Variants in L3MBTL4 observed in about 807,000 individuals in gnomAD.
L3MBTL4 encodes lethal(3)malignant brain tumor-like protein 4.
In L3MBTL4, 70 loss-of-function variants were observed where a neutral mutation model predicts 84.5. The observed-to-expected ratio is 0.83, with a 90% CI of 0.68 to 1.01. L3MBTL4 has a LOEUF of 1.01. L3MBTL4 is among the 50% of genes least tolerant of loss of function. The pLI, the probability that L3MBTL4 is intolerant of heterozygous loss-of-function variation, is 0.00. For missense variants in L3MBTL4, 715 were observed against 754.8 expected (o/e 0.95, Z 0.62); for synonymous variants, 274 against 259.8 (o/e 1.05, Z -0.52).
chr18:6,357,900 C>T lies in L3MBTL4; in HGVS notation c.-90-45844G>A, dbSNP rs555139812. ...TCATTTAGTGCTTCAAAGTTCAGAACGTAATCTCATTATCTCATTGTTTTC... is the reference window on the plus strand; with the variant it reads ...TCATTTAGTGCTTCAAAGTTCAGAATGTAATCTCATTATCTCATTGTTTTC... On this transcript the variant is annotated intron_variant, in intron 1 of 18. Transcript: ENST00000317931. Among the ~76,000 whole-genome samples the T allele has an allele frequency of 6.6e-5, 10 of 152,254 alleles. No individual in the cohort carries two copies. The East Asian group carries it at 1.5e-3, about 24-fold the overall frequency.
At chr18:6,055,488 AGATT>A (rs59546903) in intron 16 of L3MBTL4, among the ~76,000 whole-genome samples, 3,422 of 152,300 alleles carry the variant, frequency 0.022, 131 homozygotes, top group African/African-American at 0.079. Flanking sequence ...TTAAAGGCAC[AGATT>A]GATTGATTGA....
intron 16 of L3MBTL4, among the ~76,000 whole-genome samples, chr18:6,045,966 A>G (rs910068741): frequency 4.6e-5 from 7 of 152,154 alleles, no homozygotes; most frequent in African/African-American, 1.7e-4. Context: ...AAACATGATA[A>G]TTCCATCTGC....
intron 14 of L3MBTL4, among the ~76,000 whole-genome samples, chr18:6,130,221 G>A (rs1256808826): frequency 6.6e-6 from 1 of 152,038 alleles, no homozygotes; most frequent in Non-Finnish European, 1.5e-5. Flanking sequence ...TGAGTTCCAG[G>A]CCTTAAACCT....
At chr18:6,002,126 T>C (rs1041050469) in intron 16 of L3MBTL4, among the ~76,000 whole-genome samples, 12 of 152,088 alleles carry the variant, frequency 7.9e-5, no homozygotes, top group African/African-American at 2.9e-4. Flanking sequence ...CTGGCCAGAA[T>C]GCAGTAGAAT....
At chr18:6,398,266 C>T (rs2055359129) in intron 1 of L3MBTL4, among the ~76,000 whole-genome samples, 1 of 152,172 alleles carries the variant, frequency 6.6e-6, no homozygotes, top group African/African-American at 2.4e-5. Context: ...GAGGCCTCTA[C>T]TTCAGATACT....
At chr18:6,133,125 C>T (rs2059924195) in intron 14 of L3MBTL4, among the ~76,000 whole-genome samples, 1 of 152,168 alleles carries the variant, frequency 6.6e-6, no homozygotes. Flanking sequence ...GCTCAAAATA[C>T]TACAATGAGA....
intron 4 of L3MBTL4, among the ~76,000 whole-genome samples, chr18:6,300,955 C>G (rs2050313049): frequency 6.6e-6 from 1 of 152,078 alleles, no homozygotes; most frequent in South Asian, 2.1e-4. Flanking sequence ...ACATGACAGG[C>G]CTGGGGAGGC....
intron 14 of L3MBTL4, among the ~76,000 whole-genome samples, chr18:6,119,886 G>A (rs969184014): frequency 1.3e-5 from 2 of 152,172 alleles, no homozygotes; most frequent in Admixed American, 1.3e-4. Flanking sequence ...TAAAAGCTAA[G>A]CATAAAGGAA....
At position 6,378,006 on chromosome 18, in the gene L3MBTL4, G is replaced by A. The variant is rs138516425; in HGVS notation, c.-91+36795C>T. 3.1e-3 allele frequency among the ~76,000 whole-genome samples: 476 copies of A among 152,154 alleles called. 2 individuals carry two copies. Among genetic ancestry groups the A allele is most frequent in the Non-Finnish European group, 3.5e-3 (236 of 67,992 alleles). On this transcript the variant is annotated intron_variant, in intron 1 of 18. Coordinates refer to ENST00000317931, the MANE Select transcript of L3MBTL4 (RefSeq NM_001330559.2). The stretch of plus-strand genomic sequence containing the variant: ...GTTGTTTCCTGACTTTTTAATGATC[G>A]CCATTCTAACTGGTGTTAAGATGGT...
intron 16 of L3MBTL4, among the ~76,000 whole-genome samples, chr18:6,038,249 A>ATTTTTT (rs1466729036): frequency 3.3e-4 from 29 of 88,500 alleles, no homozygotes; most frequent in Admixed American, 9.9e-4. Flanking sequence ...CCATTTCTGG[A>ATTTTTT]TCTTTTTTTT....
At chr18:6,164,362 G>C (rs1225024706) in intron 13 of L3MBTL4, among the ~76,000 whole-genome samples, 1 of 152,242 alleles carries the variant, frequency 6.6e-6, no homozygotes, top group Non-Finnish European at 1.5e-5. Flanking sequence ...CTTGAGATCT[G>C]AGAATGGGCA....
intron 1 of L3MBTL4, among the ~76,000 whole-genome samples, chr18:6,360,898 A>G (rs1167304652): frequency 1.3e-5 from 2 of 151,942 alleles, no homozygotes; most frequent in Non-Finnish European, 2.9e-5. Flanking sequence ...TTGTAGTCTC[A>G]GCTACCTGGG....
chr18:6,101,580 A>G (rs1490114096), intron 14 of L3MBTL4, among the ~76,000 whole-genome samples: 1 of 152,154 alleles, frequency 6.6e-6, no homozygotes, highest in Non-Finnish European at 1.5e-5. Flanking sequence ...GGCCAGACTG[A>G]GTTTCAATCC....
At chr18:6,096,217 A>G (rs1335101980) in intron 14 of L3MBTL4, among the ~76,000 whole-genome samples, 1 of 152,198 alleles carries the variant, frequency 6.6e-6, no homozygotes, top group East Asian at 1.9e-4. Context: ...TATAGTCATC[A>G]GTATTTGCTG....
intron 16 of L3MBTL4, among the ~76,000 whole-genome samples, chr18:5,970,001 C>T (rs2052560725): frequency 6.6e-6 from 1 of 152,222 alleles, no homozygotes. Context: ...GAAACAGCCT[C>T]ATGAGTCTCT....
chr18:6,221,339 C>T (rs1407429326), intron 10 of L3MBTL4, among the ~76,000 whole-genome samples: 6 of 149,064 alleles, frequency 4.0e-5, no homozygotes, highest in Non-Finnish European at 8.8e-5. Flanking sequence ...GCCAATAGTC[C>T]TATTTAATAA....
At chr18:6,409,107 C>T (rs143729351) in intron 1 of L3MBTL4, among the ~76,000 whole-genome samples, 1,560 of 152,266 alleles carry the variant, frequency 0.01, 24 homozygotes, top group African/African-American at 0.035. Context: ...TAGATCTTAA[C>T]GCCATTTGTT....
At chr18:5,994,984 G>GA (rs1293479671) in intron 16 of L3MBTL4, among the ~76,000 whole-genome samples, 1 of 152,214 alleles carries the variant, frequency 6.6e-6, no homozygotes, top group African/African-American at 2.4e-5. Flanking sequence ...TCATCATTCT[G>GA]ATTTAGTGAG....
intron 14 of L3MBTL4, among the ~76,000 whole-genome samples, chr18:6,119,328 T>C (rs1016463047): frequency 6.6e-6 from 1 of 152,190 alleles, no homozygotes; most frequent in Non-Finnish European, 1.5e-5. Context: ...AGCCGAACAA[T>C]TGCAGATGGC....
Sources: gnomAD v4.1 joint callset for allele counts (sites outside exome capture counted in the v4.1 genomes callset) on GRCh38, gnomAD v4.1.1 for gene constraint, MANE v1.5 for transcripts, NCBI Gene and HGNC (gene_info 2026-07-23, HGNC 2026-07-21) for gene names.